Variants in SEMA3C observed in about 807,000 individuals in gnomAD.
The protein encoded by SEMA3C is semaphorin-3C.
In SEMA3C, 47 loss-of-function variants were observed where a neutral mutation model predicts 89.4. The observed-to-expected ratio is 0.53, with a 90% CI of 0.42 to 0.67. The LOEUF (loss-of-function observed/expected upper bound fraction) is 0.67, where lower values mean the gene tolerates loss of function less well. Ranked by LOEUF, SEMA3C falls within the 30% of genes least tolerant of loss-of-function variation. SEMA3C has a pLI of 0.00. For missense variants in SEMA3C, 839 were observed against 929.1 expected (o/e 0.90, Z 1.26); for synonymous variants, 310 against 320.2 (o/e 0.97, Z 0.34).
chr7:80,858,582 T>A (rs369620907), intron 2 of SEMA3C, among the ~76,000 whole-genome samples: 1 of 152,202 alleles, frequency 6.6e-6, no homozygotes, highest in African/African-American at 2.4e-5. Context: ...GATGAGGAAA[T>A]TATTAAATAA....
intron 2 of SEMA3C, among the ~76,000 whole-genome samples, chr7:80,903,359 G>A (rs554761510): frequency 1.3e-5 from 2 of 152,230 alleles, no homozygotes; most frequent in African/African-American, 4.8e-5. Flanking sequence ...CAGTAAAAAT[G>A]TAGTATAATA....
intron 2 of SEMA3C, among the ~76,000 whole-genome samples, chr7:80,833,868 T>C (rs1790066952): frequency 6.6e-6 from 1 of 152,064 alleles, no homozygotes; most frequent in Non-Finnish European, 1.5e-5. Flanking sequence ...TTCACATAGA[T>C]CCAATTTAAG....
At chr7:80,807,214 C>G (rs1025227107) in intron 6 of SEMA3C, among the ~76,000 whole-genome samples, 1 of 151,880 alleles carries the variant, frequency 6.6e-6, no homozygotes, top group Non-Finnish European at 1.5e-5. Flanking sequence ...AACCATTAAA[C>G]TGTGGATTAT....
intron 2 of SEMA3C, among the ~76,000 whole-genome samples, chr7:80,843,025 C>T (rs1443021640): frequency 1.3e-5 from 2 of 151,988 alleles, no homozygotes; most frequent in Non-Finnish European, 2.9e-5. Context: ...TAGCCTAAAA[C>T]ATGAAATTAG....
At chr7:80,814,595 G>A (rs530768354) in intron 5 of SEMA3C, among the ~76,000 whole-genome samples, 7 of 151,412 alleles carry the variant, frequency 4.6e-5, no homozygotes, top group East Asian at 1.9e-4. Context: ...TATATTTAAC[G>A]GCCTACTTGA....
chr7:80,852,677 A>ATTTTC (rs1790540723), intron 2 of SEMA3C, among the ~76,000 whole-genome samples: 1 of 137,976 alleles, frequency 7.2e-6, no homozygotes, highest in Admixed American at 7.4e-5. Context: ...CTGAATAGAC[A>ATTTTC]TTTTTTTTTT....
intron 12 of SEMA3C, among the ~76,000 whole-genome samples, chr7:80,788,711 G>A (rs1458045186): frequency 2.0e-5 from 3 of 152,028 alleles, no homozygotes; most frequent in African/African-American, 7.3e-5. Flanking sequence ...CAAAAAACCT[G>A]TCTATATTTG....
intron 11 of SEMA3C, among the ~76,000 whole-genome samples, chr7:80,795,884 T>C (rs994171742): frequency 1.3e-5 from 2 of 152,214 alleles, no homozygotes; most frequent in Non-Finnish European, 2.9e-5. Context: ...AAGTTACCAC[T>C]CTAATGTTCT....
At chr7:80,874,687 T>G (rs1255190498) in intron 2 of SEMA3C, among the ~76,000 whole-genome samples, 1 of 151,904 alleles carries the variant, frequency 6.6e-6, no homozygotes, top group Non-Finnish European at 1.5e-5. Flanking sequence ...AGGCTGGTCT[T>G]GAACTCCTGA....
chr7:80,749,517 A>T (rs1294728032), intron 16 of SEMA3C, among the ~76,000 whole-genome samples: 1 of 152,138 alleles, frequency 6.6e-6, no homozygotes, highest in African/African-American at 2.4e-5. Context: ...GGCAGAAAGT[A>T]TTGTGGCCTT....
chr7:80,787,788 G>T (rs1788838491), intron 12 of SEMA3C, among the ~76,000 whole-genome samples: 1 of 152,194 alleles, frequency 6.6e-6, no homozygotes, highest in Non-Finnish European at 1.5e-5. Context: ...AAGTCCTGGA[G>T]ATGGTAGGAT....
At chr7:80,749,481 G>A (rs778902498) in intron 16 of SEMA3C, among the ~76,000 whole-genome samples, 3 of 152,122 alleles carry the variant, frequency 2.0e-5, no homozygotes, top group Non-Finnish European at 4.4e-5. Context: ...ATGTTATATA[G>A]AGGAAATAGG....
At chr7:80,784,882 A>G (rs1187636133) in intron 12 of SEMA3C, among the ~76,000 whole-genome samples, 1 of 152,180 alleles carries the variant, frequency 6.6e-6, no homozygotes, top group Admixed American at 6.6e-5. Flanking sequence ...TACCATACAG[A>G]ACATATGGTG....
At chr7:80,892,468 T>C (rs1791638060) in intron 2 of SEMA3C, among the ~76,000 whole-genome samples, 1 of 152,078 alleles carries the variant, frequency 6.6e-6, no homozygotes, top group East Asian at 1.9e-4. Context: ...GTGTATATTG[T>C]CTGTAAAATG....
intron 2 of SEMA3C, among the ~76,000 whole-genome samples, chr7:80,908,383 A>G (rs2116227818): frequency 6.6e-6 from 1 of 152,320 alleles, no homozygotes; most frequent in South Asian, 2.1e-4. Context: ...ACAAAAGAGA[A>G]AAGGTCTTTT....
intron 2 of SEMA3C, among the ~76,000 whole-genome samples, chr7:80,846,846 A>G (rs1790402883): frequency 6.6e-6 from 1 of 152,210 alleles, no homozygotes; most frequent in Admixed American, 6.5e-5. Flanking sequence ...TAAAGAAACT[A>G]CACTTAAGAG....
At chr7:80,877,145 A>G (rs1791220835) in intron 2 of SEMA3C, among the ~76,000 whole-genome samples, 1 of 152,222 alleles carries the variant, frequency 6.6e-6, no homozygotes, top group East Asian at 1.9e-4. Context: ...AGTCTGGAGC[A>G]ATTAAGAGTT....
rs185193868 is a variant in SEMA3C at position 80,760,615 on chromosome 7, A to G, written c.1485+1001T>C. 3.9e-4 allele frequency among the ~76,000 whole-genome samples: 60 copies of G among 152,326 alleles called. No individual in the cohort carries two copies. In the East Asian group the frequency reaches 0.011, roughly 29 times the overall value. ...TAAAATACCACTTCATCTGTAACAA[A>G]CCAAATATGGTGAAGAGCTCCAGAA... On this transcript the variant is annotated intron_variant, in intron 14 of 17. Coordinates refer to ENST00000265361, the MANE Select transcript of SEMA3C (RefSeq NM_006379.5).
intron 10 of SEMA3C, 99 bp from the exon 11 acceptor site, chr7:80,798,335 C>T (rs1321441137): frequency 2.8e-6 from 3 of 1,085,200 alleles, no homozygotes; most frequent in Non-Finnish European, 3.7e-6. Flanking sequence ...TTAATATAAT[C>T]CACCATAGAA....
Sources: allele counts gnomAD v4.1 joint callset (sites outside exome capture counted in the v4.1 genomes callset), GRCh38; gene constraint gnomAD v4.1.1; transcripts MANE v1.5; gene names NCBI Gene and HGNC (gene_info 2026-07-23, HGNC 2026-07-21).